MACROH2A1: variants seen among roughly 807,000 people sequenced by gnomAD.
MACROH2A1 encodes the protein core histone macro-H2A.1.
In MACROH2A1, 2 loss-of-function variants were observed where a neutral mutation model predicts 31.6. The ratio of observed to expected loss-of-function variants is 0.06; its 90% CI spans 0.03 to 0.20. MACROH2A1 has a LOEUF of 0.20. Among genes scored for constraint, MACROH2A1 ranks in the 10% least tolerant of loss-of-function variants. The pLI, the probability that MACROH2A1 is intolerant of heterozygous loss-of-function variation, is 1.00. For missense variants in MACROH2A1, 230 were observed against 474.0 expected (o/e 0.49, Z 4.78); for synonymous variants, 169 against 189.6 (o/e 0.89, Z 0.89).
chr5:135,360,823 T>TAAA, intron 4 of MACROH2A1: 2 of 668,084 alleles, frequency 3.0e-6, no homozygotes, highest in Non-Finnish European at 5.4e-6. Flanking sequence ...TTTATGATCG[T>TAAA]AAAAAAAAAC....
chr5:135,360,165 T>G, intron 5 of MACROH2A1: 1 of 326,274 alleles, frequency 3.1e-6, no homozygotes, highest in Non-Finnish European at 5.8e-6. Flanking sequence ...TTCTGCCTGA[T>G]TCCCTGGCTG....
chr5:135,362,748 TC>T (rs1212536025), intron 4 of MACROH2A1: 1 of 152,170 alleles, frequency 6.6e-6, no homozygotes, highest in Non-Finnish European at 1.5e-5. Context: ...GTGCTAACTA[TC>T]CAATCTTGTA....
intron 6 of MACROH2A1, among the ~76,000 whole-genome samples, chr5:135,347,816 T>G (rs1051109794): frequency 2.6e-5 from 4 of 152,202 alleles, no homozygotes; most frequent in African/African-American, 9.6e-5. Flanking sequence ...CTTAAACCCA[T>G]TCTCCAGCTT....
chr5:135,370,195 GCCCCGGT>G, intron 2 of MACROH2A1, 53 bp from the exon 3 acceptor site: 1 of 1,132,510 alleles, frequency 8.8e-7, no homozygotes, highest in Admixed American at 2.0e-5. Context: ...ATGTGTCCCC[GCCCCGGT>G]CCCCACATTC....
intron 4 of MACROH2A1, among the ~76,000 whole-genome samples, chr5:135,368,963 C>G (rs1047188700): frequency 3.9e-5 from 6 of 152,230 alleles, no homozygotes; most frequent in African/African-American, 1.4e-4. Context: ...CTGTCTAGAG[C>G]GCCCTGATGG....
intron 2 of MACROH2A1, among the ~76,000 whole-genome samples, chr5:135,372,602 A>G (rs1764311206): frequency 6.6e-6 from 1 of 152,228 alleles, no homozygotes; most frequent in Non-Finnish European, 1.5e-5. Flanking sequence ...TGAATGCAGA[A>G]GCGCCTGCCT....
intron 2 of MACROH2A1, among the ~76,000 whole-genome samples, chr5:135,376,254 G>C (rs1195928200): frequency 6.6e-6 from 1 of 152,190 alleles, no homozygotes; most frequent in Non-Finnish European, 1.5e-5. Flanking sequence ...GAAAAGTCCA[G>C]GAGGAGCCAG....
At chr5:135,358,796 G>T (rs1255959462) in intron 5 of MACROH2A1, 2 of 984,208 alleles carry the variant, frequency 2.0e-6, no homozygotes, top group Non-Finnish European at 2.4e-6. Flanking sequence ...GTCATTATTA[G>T]CCAAAATTTT....
At position 135,346,050 on chromosome 5, in the gene MACROH2A1, C is replaced by T. The variant is rs755511853; in HGVS notation, c.696G>A (p.Thr232=). The part of the protein sequence containing the change: ...DIDLKDDLGN[T]LEKKGGKEFV... ...ACTCCTTGCCACCTTTCTTCTCCAG[C>T]GTGTTTCCTAGACAAGGACAGGGTG... Residue 232 remains threonine, a synonymous_variant, in exon 7 of 9, where the codon ACG becomes ACA. Transcript: ENST00000511689. 2.1e-5 allele frequency: 34 copies of T among 1,612,736 alleles called. No homozygotes were observed. The highest frequency in any genetic ancestry group is 8.9e-5 in the East Asian group (4 of 44,892).
intron 6 of MACROH2A1, chr5:135,350,786 G>A: frequency 2.5e-5 from 31 of 1,254,942 alleles, no homozygotes; most frequent in Non-Finnish European, 2.9e-5. Flanking sequence ...GACTGACCAT[G>A]CACACACACA....
At chr5:135,363,913 T>A (rs1763163205) in intron 4 of MACROH2A1, among the ~76,000 whole-genome samples, 1 of 152,268 alleles carries the variant, frequency 6.6e-6, no homozygotes, top group Admixed American at 6.5e-5. Flanking sequence ...TTTGCATTTC[T>A]CTGATGACCA....
At chr5:135,352,316 A>T (rs1761685492) in intron 6 of MACROH2A1, among the ~76,000 whole-genome samples, 1 of 152,256 alleles carries the variant, frequency 6.6e-6, no homozygotes. Context: ...ACCATCTGCC[A>T]TCTTGAACAG....
At position 135,389,946 on chromosome 5, in the gene MACROH2A1, C is replaced by T. The variant is rs183974397; in HGVS notation, c.-33-820G>A. On this transcript the variant is annotated intron_variant, in intron 1 of 8. Coordinates refer to ENST00000511689, the MANE Select transcript of MACROH2A1 (RefSeq NM_138610.3). Reference sequence around the variant, plus strand: ...GGTACACACCCACCTGAACATGCCCCGGCCCTGGCCTGAAAGCTTTCTGTG... The same window carrying T: ...GGTACACACCCACCTGAACATGCCCTGGCCCTGGCCTGAAAGCTTTCTGTG... Among the ~76,000 whole-genome samples the T allele has an allele frequency of 2.7e-4, 41 of 152,236 alleles. 1 individual carries two copies. The highest frequency in any genetic ancestry group is 9.4e-4 in the African/African-American group (39 of 41,466).
At chr5:135,384,704 A>G (rs375394528) in intron 2 of MACROH2A1, among the ~76,000 whole-genome samples, 83 of 152,374 alleles carry the variant, frequency 5.4e-4, no homozygotes, top group African/African-American at 1.9e-3. Flanking sequence ...CCTAATGTTA[A>G]TAGTTAACAT....
chr5:135,383,702 T>G lies in MACROH2A1; in HGVS notation c.172+5220A>C, dbSNP rs970311525. On this transcript the variant is annotated intron_variant, in intron 2 of 8. Transcript: ENST00000511689. Reference sequence around the variant, plus strand: ...CCCTTTCCTGTGTGATGTGGTGTGGTGTGTGTGTGTGTGTGTGTGTGTGTG... The same window carrying G: ...CCCTTTCCTGTGTGATGTGGTGTGGGGTGTGTGTGTGTGTGTGTGTGTGTG... 1.2e-4 allele frequency among the ~76,000 whole-genome samples: 9 copies of G among 73,332 alleles called. No homozygotes were observed. In the South Asian group the frequency reaches 1.7e-3, roughly 13 times the overall value. The allele number at this position is 73,332 out of a possible 152,430, so 48.1% of individuals were successfully genotyped here.
At chr5:135,346,581 T>C (rs1370548741) in intron 6 of MACROH2A1, 1 of 153,200 alleles carries the variant, frequency 6.5e-6, no homozygotes, top group Non-Finnish European at 1.5e-5. Flanking sequence ...CCAGCATTAT[T>C]ACCATGCTTA....
intron 6 of MACROH2A1, among the ~76,000 whole-genome samples, chr5:135,349,868 C>G (rs754941734): frequency 9.9e-5 from 15 of 152,152 alleles, no homozygotes; most frequent in Admixed American, 2.0e-4. Flanking sequence ...TAATGTAATT[C>G]CCATCATTAC....
intron 7 of MACROH2A1, 88 bp from the exon 8 acceptor site, chr5:135,343,522 G>T: frequency 6.4e-7 from 1 of 1,566,504 alleles, no homozygotes; most frequent in South Asian, 1.2e-5. Flanking sequence ...CCCCTGCCAC[G>T]GTATATCTTC....
At chr5:135,352,768 G>A (rs1296679516) in intron 6 of MACROH2A1, among the ~76,000 whole-genome samples, 178 bp downstream of exon 6, 4 of 152,156 alleles carry the variant, frequency 2.6e-5, no homozygotes, top group East Asian at 1.9e-4. Flanking sequence ...GAAACAGACC[G>A]TTTACACTTG....
Sources: gnomAD v4.1 joint callset for allele counts (sites outside exome capture counted in the v4.1 genomes callset) on GRCh38, gnomAD v4.1.1 for gene constraint, MANE v1.5 for transcripts, NCBI Gene and HGNC (gene_info 2026-07-23, HGNC 2026-07-21) for gene names.